The following RABL6 variants were observed in gnomAD, a reference collection of about 807,000 sequenced individuals.
The protein encoded by RABL6 is RAB, member RAS oncogene family like 6.
A neutral mutation model predicts 72.9 loss-of-function variants in RABL6; 28 were observed. The observed-to-expected ratio is 0.38, with a 90% CI of 0.28 to 0.53. RABL6 has a LOEUF of 0.53. Among genes scored for constraint, RABL6 ranks in the 20% least tolerant of loss-of-function variants. RABL6 has a pLI of 0.80. For synonymous variants in RABL6, 477 were observed against 421.2 expected (o/e 1.13, Z -1.62); for missense variants, 1,029 against 1,008.4 (o/e 1.02, Z -0.28).
Position 136,826,343 on chromosome 9 carries a change from A to G in RABL6, c.313+517A>G, listed in dbSNP as rs75911398. 3.6e-3 allele frequency among the ~76,000 whole-genome samples: 553 copies of G among 152,202 alleles called. 4 individuals carry two copies. Among genetic ancestry groups the G allele is most frequent in the East Asian group, 0.018 (93 of 5,160 alleles). ...CAGCCACAAGGTCATGAGTTCCTCT[A>G]AGTCCTCAGGGTGGAGCTCATGGCC... On this transcript the variant is annotated intron_variant, in intron 3 of 14. Coordinates refer to ENST00000311502, the MANE Select transcript of RABL6 (RefSeq NM_024718.5). This position sits in a 1 kb window ranked among gnomAD's most constrained non-coding sequence, Gnocchi z 4.9.
intron 7 of RABL6, chr9:136,834,350 G>C: frequency 1.0e-6 from 1 of 998,734 alleles, no homozygotes; most frequent in African/African-American, 1.7e-5. Flanking sequence ...TCTTCCAGTC[G>C]TCAGATATTT....
chr9:136,808,160 G>T lies in RABL6; in HGVS notation c.-37G>T. On this transcript the variant is annotated 5_prime_UTR_variant, in exon 1 of 15. Coordinates refer to ENST00000311502, the MANE Select transcript of RABL6 (RefSeq NM_024718.5). The stretch of plus-strand genomic sequence containing the variant: ...CCCCTTCCCCGCCGCCGCTGAGCTC[G>T]CCGGCCGCGCCCGGGCTGGGACGTC... 6.8e-7 allele frequency: 1 copy of T among 1,473,978 alleles called. No homozygotes were observed. Among genetic ancestry groups the T allele is most frequent in the Non-Finnish European group, 9.0e-7 (1 of 1,108,954 alleles). 91.3% of individuals were successfully genotyped at this position (1,473,978 alleles called of 1,614,324 possible). A position where few individuals can be genotyped will look rare whatever the true frequency, so the allele number is the denominator to read the frequency against.
At chr9:136,821,576 C>T (rs1227907438) in intron 1 of RABL6, 1 of 985,402 alleles carries the variant, frequency 1.0e-6, no homozygotes, top group East Asian at 1.1e-4. Context: ...ACGGCGGCCG[C>T]CCGACTGAGC....
At chr9:136,814,969 C>CT (rs1454858802) in intron 1 of RABL6, 2 of 169,900 alleles carry the variant, frequency 1.2e-5, no homozygotes, top group Non-Finnish European at 2.5e-5. Flanking sequence ...CAGCCATCCT[C>CT]TTGGCTTTCC....
chr9:136,808,337 C>T lies in RABL6; in HGVS notation c.130+11C>T, dbSNP rs752851032. 2 of 1,511,010 alleles carry T rather than the reference C, an allele frequency of 1.3e-6. No homozygotes were observed. Among genetic ancestry groups the T allele is most frequent in the South Asian group, 1.3e-5 (1 of 79,174 alleles). 93.6% of individuals were successfully genotyped at this position (1,511,010 alleles called of 1,614,324 possible). A position where few individuals can be genotyped will look rare whatever the true frequency, so the allele number is the denominator to read the frequency against. On this transcript the variant is annotated intron_variant, in intron 1 of 14. Coordinates refer to ENST00000311502, the MANE Select transcript of RABL6 (RefSeq NM_024718.5). ...GGGTGCAGTACAACAGTGAGTGCGG[C>T]GGGCCGGGGGGGCGCGGGAGCGCCG...
At chr9:136,836,278 C>A (rs2784083) in intron 8 of RABL6, 130,725 of 167,132 alleles carry the variant, frequency 0.78, 51,257 homozygotes, top group South Asian at 0.81. Context: ...TAGCAGAGGG[C>A]GGCTCAGAGC....
chr9:136,819,262 C>T (rs2131169032), intron 1 of RABL6, among the ~76,000 whole-genome samples: 1 of 148,004 alleles, frequency 6.8e-6, no homozygotes, highest in East Asian at 2.0e-4. Context: ...GCGGAGCTTG[C>T]AGTGAGCCGA....
chr9:136,813,307 T>G, intron 1 of RABL6: 2 of 634,550 alleles, frequency 3.2e-6, no homozygotes, highest in East Asian at 2.8e-5. Flanking sequence ...AGATTTGCCA[T>G]TTTGGTTCTG....
chr9:136,823,621 A>G lies in RABL6; in HGVS notation c.227A>G (p.Gln76Arg). The change falls in exon 2 of 15, where the codon CAG becomes CGG. Residue 76 changes from glutamine (Q) to arginine (R), a missense_variant. By Grantham distance (43) the Gln-to-Arg change is conservative. Transcript: ENST00000311502. ...RPFVEEYIPT[Q>R]EIQVTSIHWS... Reference sequence around the variant, plus strand: ...TTCGTGGAGGAGTACATCCCCACACAGGAGATCCAGGTCACCAGCATCCAC... The same window carrying G: ...TTCGTGGAGGAGTACATCCCCACACGGGAGATCCAGGTCACCAGCATCCAC... The G allele has an allele frequency of 6.2e-7, 1 of 1,613,420 alleles. No homozygotes were observed. The highest frequency in any genetic ancestry group is 1.7e-4 in the Middle Eastern group (1 of 6,060).
chr9:136,811,235 T>C (rs994921080), intron 1 of RABL6, among the ~76,000 whole-genome samples: 3 of 152,280 alleles, frequency 2.0e-5, no homozygotes, highest in East Asian at 1.9e-4. Context: ...GAGACAGTAA[T>C]CAAATACATT....
chr9:136,811,617 C>CA (rs775818394), intron 1 of RABL6, among the ~76,000 whole-genome samples: 6,052 of 104,326 alleles, frequency 0.058, 291 homozygotes, highest in African/African-American at 0.16. Flanking sequence ...GACCCTGTCT[C>CA]AAAAAAAAAA....
rs1444627291 is a variant in RABL6, at chr9:136,837,418, C to T, written c.882C>T (p.Ser294=). 1 of 1,586,154 alleles carries T rather than the reference C, an allele frequency of 6.3e-7. No homozygotes were observed. The highest frequency in any genetic ancestry group is 1.1e-5 in the South Asian group (1 of 87,388). The change falls in exon 9 of 15, where the codon TCC becomes TCT. Residue 294 remains serine (S), a synonymous_variant. Transcript: ENST00000311502. ...SPLAANGQSP[S]PGSQSPVVPA... Reference sequence around the variant, plus strand: ...TGGCGGCCAACGGGCAGAGCCCATCCCCGGGCTCCCAGTCACCAGTGGTGC... The same window carrying T: ...TGGCGGCCAACGGGCAGAGCCCATCTCCGGGCTCCCAGTCACCAGTGGTGC...
chr9:136,822,401 C>G (rs1848257456), intron 1 of RABL6, among the ~76,000 whole-genome samples: 2 of 152,182 alleles, frequency 1.3e-5, no homozygotes, highest in Non-Finnish European at 2.9e-5. Context: ...TCTCTCTCCC[C>G]CGTGCCTGTG....
chr9:136,834,928 C>CT (rs1848557705), intron 7 of RABL6, among the ~76,000 whole-genome samples: 1 of 77,912 alleles, frequency 1.3e-5, no homozygotes, highest in Non-Finnish European at 2.5e-5. Context: ...TGACCCTGTT[C>CT]TAAAAAAAAA....
chr9:136,816,729 G>A (rs1848127314), intron 1 of RABL6, among the ~76,000 whole-genome samples: 2 of 144,442 alleles, frequency 1.4e-5, no homozygotes, highest in Admixed American at 6.9e-5. Context: ...AAAAAAGGGG[G>A]GGGGGGTAAT....
At chr9:136,823,438 ACCGGCTCT>A in intron 1 of RABL6, 79 bp from the exon 2 acceptor site, 1 of 1,527,598 alleles carries the variant, frequency 6.5e-7, no homozygotes, top group Non-Finnish European at 8.9e-7. Flanking sequence ...TGGCAGCAGA[ACCGGCTCT>A]CCTTGTAGTT....
intron 1 of RABL6, chr9:136,808,950 A>T (rs2131148424): frequency 6.6e-6 from 1 of 152,296 alleles, no homozygotes; most frequent in Non-Finnish European, 1.5e-5. Flanking sequence ...AGGAGGAGTC[A>T]TTTACGGACT....
chr9:136,810,305 T>C (rs939565754), intron 1 of RABL6, among the ~76,000 whole-genome samples: 4 of 151,838 alleles, frequency 2.6e-5, no homozygotes, highest in African/African-American at 7.3e-5. Flanking sequence ...CCTGGGCGAG[T>C]GTGACTAAAA....
chr9:136,812,598 C>G (rs1220547874), intron 1 of RABL6, among the ~76,000 whole-genome samples: 1 of 152,014 alleles, frequency 6.6e-6, no homozygotes, highest in Non-Finnish European at 1.5e-5. Flanking sequence ...TATGAATATC[C>G]AGTCAAAACA....
Sources: allele counts gnomAD v4.1 joint callset (sites outside exome capture counted in the v4.1 genomes callset), GRCh38; gene constraint gnomAD v4.1.1; non-coding constraint Gnocchi (gnomAD v3.1); transcripts MANE v1.5; gene names NCBI Gene and HGNC (gene_info 2026-07-23, HGNC 2026-07-21).